Variants in PTPRD observed in about 807,000 individuals in gnomAD.
PTPRD encodes receptor-type tyrosine-protein phosphatase delta.
A neutral mutation model predicts 214.5 loss-of-function variants in PTPRD; 34 were observed. The ratio of observed to expected loss-of-function variants is 0.16; its 90% CI spans 0.12 to 0.21. The LOEUF is 0.21. PTPRD is among the 10% of genes least tolerant of loss of function. The pLI, the probability that PTPRD is intolerant of heterozygous loss-of-function variation, is 1.00. For missense variants in PTPRD, 2,545 were observed against 2,398.7 expected (o/e 1.06, Z -1.27); for synonymous variants, 1,128 against 845.7 (o/e 1.33, Z -5.79).
chr9:8,722,948 T>C (rs2098517542), intron 12 of PTPRD, among the ~76,000 whole-genome samples: 1 of 152,352 alleles, frequency 6.6e-6, no homozygotes, highest in Admixed American at 6.5e-5. Flanking sequence ...GTTTATAACT[T>C]GATCAGGAGG....
intron 2 of PTPRD, among the ~76,000 whole-genome samples, chr9:10,494,050 G>A (rs78534178): frequency 6.6e-6 from 1 of 151,940 alleles, no homozygotes; most frequent in East Asian, 1.9e-4. Context: ...AACACGCTGG[G>A]ATTTGTGAGC....
chr9:9,928,084 C>T (rs10759106), intron 5 of PTPRD, among the ~76,000 whole-genome samples: 2 of 152,052 alleles, frequency 1.3e-5, no homozygotes, highest in East Asian at 3.9e-4. Flanking sequence ...TTTTATTACA[C>T]TTTGAAAAGT....
chr9:10,242,100 T>C (rs2091191345), intron 3 of PTPRD, among the ~76,000 whole-genome samples: 1 of 151,906 alleles, frequency 6.6e-6, no homozygotes, highest in Non-Finnish European at 1.5e-5. Flanking sequence ...GAGGAAAACC[T>C]GAAAACAAAA....
chr9:10,117,241 A>C (rs1237782408), intron 3 of PTPRD, among the ~76,000 whole-genome samples: 1 of 152,144 alleles, frequency 6.6e-6, no homozygotes, highest in Admixed American at 6.6e-5. Context: ...AATTGCCTAC[A>C]TAACAGTAAA....
At chr9:8,549,659 C>A (rs565293951) in intron 14 of PTPRD, among the ~76,000 whole-genome samples, 102 of 152,128 alleles carry the variant, frequency 6.7e-4, no homozygotes, top group African/African-American at 2.4e-3. Flanking sequence ...AGTAATGCAA[C>A]TTTGAGAGGG....
At chr9:10,488,912 G>C (rs1304848504) in intron 2 of PTPRD, among the ~76,000 whole-genome samples, 1 of 152,136 alleles carries the variant, frequency 6.6e-6, no homozygotes, top group Non-Finnish European at 1.5e-5. Context: ...CCAAGTCCTA[G>C]AATCAAGGAC....
chr9:10,425,194 G>C (rs1282937847), intron 2 of PTPRD, among the ~76,000 whole-genome samples: 1 of 151,914 alleles, frequency 6.6e-6, no homozygotes, highest in African/African-American at 2.4e-5. Context: ...TGCTGAGTTT[G>C]CTGGCAGCTT....
intron 10 of PTPRD, among the ~76,000 whole-genome samples, chr9:9,159,108 T>C (rs1431136555): frequency 6.6e-6 from 1 of 152,176 alleles, no homozygotes; most frequent in Non-Finnish European, 1.5e-5. Context: ...TCACACTCAA[T>C]AGTGAAAACT....
intron 7 of PTPRD, among the ~76,000 whole-genome samples, chr9:9,595,241 C>A (rs151322280): frequency 2.1e-5 from 3 of 145,326 alleles, no homozygotes; most frequent in Middle Eastern, 7.3e-3. Context: ...ACTGGGGTAT[C>A]TACCCAGAGG....
At chr9:9,711,302 T>C in intron 7 of PTPRD, among the ~76,000 whole-genome samples, 1 of 152,142 alleles carries the variant, frequency 6.6e-6, no homozygotes, top group East Asian at 1.9e-4. Flanking sequence ...TTGGTAAAAT[T>C]GGTTTCCTAA....
intron 3 of PTPRD, among the ~76,000 whole-genome samples, chr9:10,329,884 A>T (rs1168175851): frequency 6.6e-6 from 1 of 151,840 alleles, no homozygotes; most frequent in African/African-American, 2.4e-5. Context: ...TCTGTCATGT[A>T]TAAAAAATTA....
intron 4 of PTPRD, among the ~76,000 whole-genome samples, chr9:10,008,346 A>C (rs1453068537): frequency 2.6e-5 from 4 of 151,890 alleles, no homozygotes; most frequent in African/African-American, 7.2e-5. Flanking sequence ...TTCAACCAGC[A>C]TTCCTTCCTG....
intron 14 of PTPRD, among the ~76,000 whole-genome samples, chr9:8,611,802 A>G (rs1326290578): frequency 2.1e-5 from 3 of 142,168 alleles, no homozygotes; most frequent in Admixed American, 2.1e-4. Context: ...GAGAAAAGAA[A>G]AAAGAGGAGA....
chr9:9,291,541 T>C (rs1034027459), intron 9 of PTPRD, among the ~76,000 whole-genome samples: 2 of 151,402 alleles, frequency 1.3e-5, no homozygotes, highest in African/African-American at 2.4e-5. Context: ...CCAGTGTTTT[T>C]TGAAAGACCT....
chr9:9,863,578 A>G (rs898019950), intron 5 of PTPRD, among the ~76,000 whole-genome samples: 6 of 152,152 alleles, frequency 3.9e-5, no homozygotes, highest in Non-Finnish European at 5.9e-5. Flanking sequence ...CTCCTTGCCA[A>G]AGTAATGGCT....
chr9:8,965,064 G>A (rs1391592681), intron 11 of PTPRD, among the ~76,000 whole-genome samples: 4 of 152,020 alleles, frequency 2.6e-5, no homozygotes, highest in African/African-American at 7.2e-5. Flanking sequence ...AGTTGGTCAA[G>A]TGTCAAGTTT....
chr9:9,644,407 C>A (rs972236177), intron 7 of PTPRD, among the ~76,000 whole-genome samples: 2 of 152,152 alleles, frequency 1.3e-5, no homozygotes, highest in African/African-American at 2.4e-5. Flanking sequence ...GAACTGTCTC[C>A]ATGCTTAGAT....
chr9:9,006,223 A>C (rs1246812030), intron 11 of PTPRD, among the ~76,000 whole-genome samples: 2 of 151,824 alleles, frequency 1.3e-5, no homozygotes, highest in East Asian at 1.9e-4. Context: ...TGATTTTTCA[A>C]CATTAAAGTC....
intron 5 of PTPRD, among the ~76,000 whole-genome samples, chr9:9,775,334 T>C (rs1408012640): frequency 6.6e-6 from 1 of 152,216 alleles, no homozygotes; most frequent in African/African-American, 2.4e-5. Context: ...TGAATTTTAA[T>C]CTACGGGTTT....
Sources: gnomAD v4.1 joint callset for allele counts (sites outside exome capture counted in the v4.1 genomes callset) on GRCh38, gnomAD v4.1.1 for gene constraint, MANE v1.5 for transcripts, NCBI Gene and HGNC (gene_info 2026-07-23, HGNC 2026-07-21) for gene names.